NCOA6: variants seen among roughly 807,000 people sequenced by gnomAD.
The protein encoded by NCOA6 is NRC RAP250.
A neutral mutation model predicts 171.4 loss-of-function variants in NCOA6; 49 were observed. The ratio of observed to expected loss-of-function variants is 0.29; its 90% confidence interval spans 0.23 to 0.36. The LOEUF (loss-of-function observed/expected upper bound fraction) is 0.36, where lower values mean the gene tolerates loss of function less well. NCOA6 is among the 10% of genes least tolerant of loss of function. NCOA6 has a pLI of 1.00. For missense variants in NCOA6, 2,248 were observed against 2,554.5 expected (o/e 0.88, Z 2.59); for synonymous variants, 910 against 927.5 (o/e 0.98, Z 0.34).
rs747886425 is a variant in NCOA6, at chr20:34,757,953, TTGCTGC to T, written c.789_794del (p.Gln284_Gln285del). 3 of 1,613,434 alleles carry T rather than the reference TTGCTGC, an allele frequency of 1.9e-6. No individual in the cohort carries two copies. The highest frequency in any genetic ancestry group is 1.1e-5 in the South Asian group (1 of 91,066). On this transcript the variant is annotated inframe_deletion, in exon 7 of 15. Transcript: ENST00000359003. ...GCTGCTGCTGCTGCTGTTGTTGTTG[TTGCTGC>T]TGCTGCTGCAGCTGGGGAAAATTAG...
At chr20:34,758,670 C>T (rs1254914816) in intron 6 of NCOA6, 135 bp downstream of exon 6, 2 of 1,163,872 alleles carry the variant, frequency 1.7e-6, no homozygotes, top group Non-Finnish European at 2.5e-6. Flanking sequence ...TTGAAGAAAT[C>T]AGGTCAGATT....
At chr20:34,811,234 T>TATATATATATATACAC (rs1344933526) in intron 1 of NCOA6, among the ~76,000 whole-genome samples, 3 of 119,960 alleles carry the variant, frequency 2.5e-5, no homozygotes, top group Non-Finnish European at 5.3e-5. Context: ...TATATATATA[T>TATATATATATATACAC]ATGCTTTCAA....
intron 9 of NCOA6, 134 bp from the exon 10 acceptor site, chr20:34,747,062 G>A (rs2076328242): frequency 2.2e-6 from 2 of 890,526 alleles, no homozygotes; most frequent in Admixed American, 3.6e-5. Context: ...TCTCTCTCTA[G>A]TCTAGATAAA....
At chr20:34,775,672 C>CAAAAAAAAAAAAAAAA (rs570763953) in intron 4 of NCOA6, among the ~76,000 whole-genome samples, 19 of 77,422 alleles carry the variant, frequency 2.5e-4, no homozygotes, top group Non-Finnish European at 3.5e-4. Flanking sequence ...GACTCTGTCT[C>CAAAAAAAAAAAAAAAA]AAAAAAAAAA....
At chr20:34,810,810 C>T (rs909640866) in intron 1 of NCOA6, among the ~76,000 whole-genome samples, 14 of 152,266 alleles carry the variant, frequency 9.2e-5, no homozygotes, top group African/African-American at 3.4e-4. Context: ...TCCCAAAGTG[C>T]TGGGATTACA....
chr20:34,727,152 G>T, intron 14 of NCOA6, 107 bp downstream of exon 14: 1 of 1,324,924 alleles, frequency 7.5e-7, no homozygotes, highest in Non-Finnish European at 1.0e-6. Flanking sequence ...ACACTTGACA[G>T]ACTTCAGGAA....
chr20:34,717,367 T>C (rs1988737328), intron 14 of NCOA6, among the ~76,000 whole-genome samples: 1 of 152,180 alleles, frequency 6.6e-6, no homozygotes, highest in Non-Finnish European at 1.5e-5. Context: ...GGAGAATTGC[T>C]TGAGCCTGGG....
At chr20:34,738,771 C>A (rs978419788) in intron 11 of NCOA6, 47 of 415,050 alleles carry the variant, frequency 1.1e-4, no homozygotes, top group African/African-American at 9.2e-4. Flanking sequence ...CTCCATTTTA[C>A]AAGTGAAATA....
At chr20:34,814,736 C>T (rs1226517778) in intron 1 of NCOA6, among the ~76,000 whole-genome samples, 1 of 152,088 alleles carries the variant, frequency 6.6e-6, no homozygotes, top group Non-Finnish European at 1.5e-5. Flanking sequence ...GGATTACAGG[C>T]GCACGCCACC....
intron 1 of NCOA6, among the ~76,000 whole-genome samples, chr20:34,812,638 TA>T (rs202200188): frequency 1.3e-5 from 2 of 151,258 alleles, no homozygotes; most frequent in Non-Finnish European, 3.0e-5. Flanking sequence ...CGTTGTTACA[TA>T]AAAAAAACAA....
chr20:34,757,738 G>C lies in NCOA6; in HGVS notation c.1010C>G (p.Thr337Arg). 1 of 1,614,188 alleles carries C rather than the reference G, an allele frequency of 6.2e-7. No individual in the cohort carries two copies. The highest frequency in any genetic ancestry group is 8.5e-7 in the Non-Finnish European group (1 of 1,180,028). The part of the protein sequence containing the change: ...QPPPAQGSLG[T>R]MTANQGWKKA... ...CTTCCACCCTTGGTTTGCAGTCATT[G>C]TGCCCAGAGAACCCTGGGCTGGAGG... The change falls in exon 7 of 15, where the codon ACA becomes AGA. Residue 337 changes from threonine (T) to arginine (R), a missense_variant. Transcript: ENST00000359003.
In NCOA6 at chr20:34,742,273, T is replaced by C. The variant is rs2076169164; in HGVS notation, c.3983A>G (p.Asn1328Ser). ...SGATKRASPS[N>S]SRRSSPGSSR... Reference sequence around the variant, plus strand: ...GGACCCAGGACTAGACCTGCGACTGTTGCTTGGACTTGCCCGTTTTGTTGC... The same window carrying C: ...GGACCCAGGACTAGACCTGCGACTGCTGCTTGGACTTGCCCGTTTTGTTGC... Residue 1328 changes from asparagine to serine, a missense_variant, in exon 11 of 15, where the codon AAC (asparagine) becomes AGC (serine). Coordinates refer to ENST00000359003, the MANE Select transcript of NCOA6 (RefSeq NM_014071.5). 3 of 1,614,232 alleles carry C rather than the reference T, an allele frequency of 1.9e-6. No individual in the cohort carries two copies. The highest frequency in any genetic ancestry group is 2.5e-6 in the Non-Finnish European group (3 of 1,180,048).
At chr20:34,761,253 C>T (rs1000965792) in intron 5 of NCOA6, among the ~76,000 whole-genome samples, 5 of 152,138 alleles carry the variant, frequency 3.3e-5, no homozygotes, top group African/African-American at 4.8e-5. Flanking sequence ...AGACACTTAG[C>T]TTGTTAATTT....
intron 2 of NCOA6, among the ~76,000 whole-genome samples, chr20:34,785,332 T>C (rs2077640248): frequency 6.6e-6 from 1 of 151,626 alleles, no homozygotes; most frequent in Admixed American, 6.6e-5. Flanking sequence ...CAGTGGCTCA[T>C]ACCTGTATTC....
intron 1 of NCOA6, among the ~76,000 whole-genome samples, chr20:34,798,222 G>A (rs1267918832): frequency 6.6e-6 from 1 of 152,172 alleles, no homozygotes; most frequent in African/African-American, 2.4e-5. Flanking sequence ...CGTAGGGAAA[G>A]ATGCCTCTGT....
chr20:34,804,230 A>G (rs1033701272), intron 1 of NCOA6, among the ~76,000 whole-genome samples: 8 of 151,606 alleles, frequency 5.3e-5, no homozygotes, highest in Admixed American at 4.6e-4. Flanking sequence ...CCAGCTATTC[A>G]GGAGGCTAAG....
chr20:34,814,267 A>T (rs2078760791), intron 1 of NCOA6, among the ~76,000 whole-genome samples: 1 of 152,024 alleles, frequency 6.6e-6, no homozygotes, highest in Non-Finnish European at 1.5e-5. Context: ...TGAACCTGGG[A>T]GGTGGAGGTT....
intron 14 of NCOA6, among the ~76,000 whole-genome samples, chr20:34,726,919 C>T (rs983167879): frequency 6.6e-6 from 1 of 152,140 alleles, no homozygotes; most frequent in African/African-American, 2.4e-5. Flanking sequence ...TGTGCCACTG[C>T]ACTCCAGCCC....
At chr20:34,737,662 T>A (rs1411737431) in intron 11 of NCOA6, among the ~76,000 whole-genome samples, 1 of 152,208 alleles carries the variant, frequency 6.6e-6, no homozygotes, top group Non-Finnish European at 1.5e-5. Flanking sequence ...AGATAAAGAT[T>A]ATGGCATGGA....
Sources: gnomAD v4.1 joint callset for allele counts (sites outside exome capture counted in the v4.1 genomes callset) on GRCh38, gnomAD v4.1.1 for gene constraint, MANE v1.5 for transcripts, NCBI Gene and HGNC (gene_info 2026-07-23, HGNC 2026-07-21) for gene names.